Variants in STIM1 observed in about 807,000 individuals in gnomAD.
STIM1 encodes the protein stromal interaction molecule 1.
Under a neutral mutation model 74.7 loss-of-function variants are expected in STIM1, and 25 were observed. The observed-to-expected ratio is 0.33, with a 90% CI of 0.24 to 0.47. STIM1 has a LOEUF of 0.47. Among genes scored for constraint, STIM1 ranks in the 20% least tolerant of loss-of-function variants. The probability of loss-of-function intolerance (pLI) is 1.00; values close to 1 mark genes in which losing one functional copy is unlikely to be tolerated. For missense variants in STIM1, 728 were observed against 920.8 expected, an observed-to-expected ratio of 0.79 and a Z score of 2.71; for synonymous variants, 328 against 348.8, an observed-to-expected ratio of 0.94 and a Z score of 0.66.
At chr11:3,892,323 T>G in intron 1 of STIM1, 1 of 902,178 alleles carries the variant, frequency 1.1e-6, no homozygotes, top group Non-Finnish European at 1.8e-6. Flanking sequence ...GCAAATGGGG[T>G]GGAGGGGTGC....
intron 2 of STIM1, among the ~76,000 whole-genome samples, chr11:4,008,591 G>T (rs1422970195): frequency 6.6e-6 from 1 of 152,180 alleles, no homozygotes; most frequent in African/African-American, 2.4e-5. Context: ...ACTTATTTCA[G>T]TTTAGGGTTG....
intron 9 of STIM1, 39 bp from the exon 10 acceptor site, chr11:4,083,224 C>T: frequency 6.2e-7 from 1 of 1,601,606 alleles, no homozygotes; most frequent in Non-Finnish European, 8.6e-7. Flanking sequence ...GGGGCTCACA[C>T]CAAGTCCATG....
intron 5 of STIM1, among the ~76,000 whole-genome samples, chr11:4,069,225 A>G (rs2094387995): frequency 6.6e-6 from 1 of 152,110 alleles, no homozygotes; most frequent in Non-Finnish European, 1.5e-5. Flanking sequence ...AGTTTTTAGG[A>G]TGTGGCTTTT....
intron 1 of STIM1, among the ~76,000 whole-genome samples, chr11:3,872,299 C>T (rs887743703): frequency 3.2e-4 from 48 of 152,118 alleles, no homozygotes; most frequent in Non-Finnish European, 6.5e-4. Flanking sequence ...GTGATCTGCC[C>T]GCCTTGGCCT....
intron 2 of STIM1, chr11:3,974,049 T>C: frequency 1.4e-6 from 1 of 700,766 alleles, no homozygotes; most frequent in Non-Finnish European, 2.6e-6. Flanking sequence ...TCCTCCACAG[T>C]GGCATATGTG....
At position 3,856,412 on chromosome 11, in the gene STIM1, A is replaced by G. The variant is rs1168870235; in HGVS notation, c.139+3A>G. On this transcript the variant is annotated splice_donor_region_variant and intron_variant, in intron 1 of 12. Transcript: ENST00000526596. Reference sequence around the variant, plus strand: ...CTCTGAGGAGTCCACTGCAGCAGGTAAGGCCTTGCTGCGGGCTGGACTGGG... The same window carrying G: ...CTCTGAGGAGTCCACTGCAGCAGGTGAGGCCTTGCTGCGGGCTGGACTGGG... 4.3e-6 allele frequency: 7 copies of G among 1,613,578 alleles called. No individual in the cohort carries two copies. The highest frequency in any genetic ancestry group is 1.7e-5 in the Admixed American group (1 of 60,008).
At chr11:3,925,514 T>TTAA (rs1485144198) in intron 1 of STIM1, among the ~76,000 whole-genome samples, 1 of 152,260 alleles carries the variant, frequency 6.6e-6, no homozygotes, top group Non-Finnish European at 1.5e-5. Context: ...TTTTTCATTA[T>TTAA]TAAGCAGGAC....
chr11:3,899,406 G>A (rs2092282616), intron 1 of STIM1, among the ~76,000 whole-genome samples: 1 of 152,210 alleles, frequency 6.6e-6, no homozygotes, highest in Non-Finnish European at 1.5e-5. Flanking sequence ...TCAGCTTAAG[G>A]AGATTTTGGG....
chr11:3,890,024 C>T (rs2091847980), intron 1 of STIM1, among the ~76,000 whole-genome samples: 1 of 152,150 alleles, frequency 6.6e-6, no homozygotes, highest in Non-Finnish European at 1.5e-5. Flanking sequence ...ACCTGTAGCT[C>T]CTCATTGGGA....
intron 1 of STIM1, among the ~76,000 whole-genome samples, chr11:3,880,593 T>C (rs2091464435): frequency 6.6e-6 from 1 of 152,204 alleles, no homozygotes; most frequent in Non-Finnish European, 1.5e-5. Context: ...TTTAGTTATT[T>C]CTGAAACCAG....
intron 3 of STIM1, among the ~76,000 whole-genome samples, chr11:4,040,572 C>G (rs534245137): frequency 3.3e-5 from 5 of 152,310 alleles, no homozygotes; most frequent in Non-Finnish European, 7.3e-5. Flanking sequence ...GTTCCACTGC[C>G]GGTTTTCCCA....
intron 2 of STIM1, among the ~76,000 whole-genome samples, chr11:3,997,969 C>T (rs1043146242): frequency 1.3e-5 from 2 of 152,184 alleles, no homozygotes; most frequent in African/African-American, 4.8e-5. Flanking sequence ...ATATAGCAAG[C>T]ACTTAGAAAA....
intron 1 of STIM1, among the ~76,000 whole-genome samples, chr11:3,924,338 A>C (rs2092760603): frequency 6.6e-6 from 1 of 151,040 alleles, no homozygotes; most frequent in African/African-American, 2.4e-5. Flanking sequence ...AGCTGGGACT[A>C]CAGGCGCCCA....
intron 3 of STIM1, among the ~76,000 whole-genome samples, chr11:4,052,674 A>G (rs1196079079): frequency 2.6e-5 from 4 of 152,232 alleles, no homozygotes; most frequent in Non-Finnish European, 5.9e-5. Flanking sequence ...GGACATAGGC[A>G]TGGGCAAGGA....
At chr11:3,953,919 ACC>A (rs2093180617) in intron 1 of STIM1, among the ~76,000 whole-genome samples, 1 of 151,400 alleles carries the variant, frequency 6.6e-6, no homozygotes, top group Non-Finnish European at 1.5e-5. Context: ...AATAGCTGGC[ACC>A]ATAGGTGTGT....
At chr11:3,978,031 C>T (rs1426775164) in intron 2 of STIM1, among the ~76,000 whole-genome samples, 2 of 152,030 alleles carry the variant, frequency 1.3e-5, no homozygotes, top group African/African-American at 2.4e-5. Flanking sequence ...AGAGGTAGTT[C>T]TGTTTTCGCT....
intron 1 of STIM1, among the ~76,000 whole-genome samples, chr11:3,857,070 A>C (rs1426829649): frequency 7.6e-6 from 1 of 131,748 alleles, no homozygotes; most frequent in Non-Finnish European, 1.6e-5. Flanking sequence ...CTTCTGACTG[A>C]TGAGGGTGGG....
intron 1 of STIM1, among the ~76,000 whole-genome samples, chr11:3,950,621 T>C (rs764542224): frequency 2.0e-5 from 3 of 152,076 alleles, no homozygotes; most frequent in African/African-American, 7.2e-5. Flanking sequence ...TCTAGTCAGA[T>C]TTGAATTTTA....
At position 4,082,740 on chromosome 11, in the gene STIM1, CTT is replaced by C. The variant is rs774405311; in HGVS notation, c.1138-138_1138-137del. The C allele has an allele frequency of 3.3e-4, 235 of 711,824 alleles. 2 individuals carry two copies. The South Asian group carries it at 3.6e-3, about 11-fold the overall frequency. 44.1% of individuals were successfully genotyped at this position (711,824 alleles called of 1,614,324 possible). On this transcript the variant is annotated intron_variant, in intron 8 of 12. Coordinates refer to ENST00000526596, the MANE Select transcript of STIM1 (RefSeq NM_001382567.1). ...TTTCTTCTACCTTGCCTGCCTTTCT[CTT>C]TTTCCTCTTTCTCTTCCCTTTCCTT...
Sources: allele counts gnomAD v4.1 joint callset (sites outside exome capture counted in the v4.1 genomes callset), GRCh38; gene constraint gnomAD v4.1.1; transcripts MANE v1.5; gene names NCBI Gene and HGNC (gene_info 2026-07-23, HGNC 2026-07-21).